The following MBTPS1 variants were observed in gnomAD, a reference collection of about 807,000 sequenced individuals.
MBTPS1 encodes the protein membrane bound transcription factor peptidase, site 1.
In MBTPS1, 94 loss-of-function variants were observed where a neutral mutation model predicts 127.8. The ratio of observed to expected loss-of-function variants is 0.74; its 90% CI spans 0.62 to 0.87. The LOEUF (loss-of-function observed/expected upper bound fraction) is 0.87. Among genes scored for constraint, MBTPS1 ranks in the 40% least tolerant of loss-of-function variants. The probability of loss-of-function intolerance (pLI) is 0.00; values close to 1 mark genes in which losing one functional copy is unlikely to be tolerated. For synonymous variants in MBTPS1, 632 were observed against 509.4 expected (o/e 1.24, Z -3.24); for missense variants, 1,636 against 1,353.2 (o/e 1.21, Z -3.28).
In MBTPS1 at chr16:84,066,577, G is replaced by C. The variant is rs564395196; in HGVS notation, c.2265C>G (p.Ile755Met). Residue 755 changes from isoleucine (I) to methionine (M), a missense_variant, in exon 17 of 23, where the codon ATC (isoleucine) becomes ATG (methionine). Ile to Met is a conservative substitution (Grantham distance 10, BLOSUM62 1). Coordinates refer to ENST00000343411, the MANE Select transcript of MBTPS1 (RefSeq NM_003791.4). Reference protein sequence around the residue: ...WWMPDTGGANIPALNELLSVW... With the variant: ...WWMPDTGGANMPALNELLSVW... ...CAGACAGCAGCTCATTCAGAGCTGGGATGTTAGCTCCTCCGGTATCCGGCA... is the reference window on the plus strand; with the variant it reads ...CAGACAGCAGCTCATTCAGAGCTGGCATGTTAGCTCCTCCGGTATCCGGCA... 10 of 1,613,946 alleles carry C rather than the reference G, an allele frequency of 6.2e-6. No homozygotes were observed. Among genetic ancestry groups the C allele is most frequent in the Middle Eastern group, 1.6e-4 (1 of 6,084 alleles).
intron 12 of MBTPS1, among the ~76,000 whole-genome samples, chr16:84,072,803 A>T (rs1050255098): frequency 1.3e-4 from 20 of 152,196 alleles, no homozygotes; most frequent in African/African-American, 4.6e-4. Flanking sequence ...AAAAAAGGCA[A>T]ATCACCCAGT....
chr16:84,110,174 C>G (rs969365451), intron 1 of MBTPS1, among the ~76,000 whole-genome samples: 1 of 152,208 alleles, frequency 6.6e-6, no homozygotes, highest in Non-Finnish European at 1.5e-5. Flanking sequence ...AACCAGACCA[C>G]ACACGTCAGA....
intron 3 of MBTPS1, among the ~76,000 whole-genome samples, chr16:84,096,647 A>C (rs138455393): frequency 8.2e-4 from 125 of 152,348 alleles, no homozygotes; most frequent in African/African-American, 2.9e-3. Context: ...TTTCTAAAGC[A>C]AATCACTGTC....
At chr16:84,093,905 G>A in intron 4 of MBTPS1, 84 bp from the exon 5 acceptor site, 2 of 976,074 alleles carry the variant, frequency 2.0e-6, no homozygotes, top group Admixed American at 2.0e-5. Context: ...TTCCTTCCTG[G>A]GACCCACAGA....
chr16:84,099,770 C>T (rs1175219976), intron 2 of MBTPS1, among the ~76,000 whole-genome samples: 1 of 144,644 alleles, frequency 6.9e-6, no homozygotes, highest in Non-Finnish European at 1.5e-5. Flanking sequence ...AGCAAGCCTC[C>T]GTCTCAAAAA....
chr16:84,054,741 G>T (rs530850292), intron 22 of MBTPS1, 96 bp from the exon 23 acceptor site: 1 of 967,210 alleles, frequency 1.0e-6, no homozygotes, highest in Non-Finnish European at 1.5e-6. Context: ...AACTAAATGC[G>T]AGCTAATTTC....
At chr16:84,064,404 G>A (rs1298878191) in intron 18 of MBTPS1, among the ~76,000 whole-genome samples, 1 of 152,042 alleles carries the variant, frequency 6.6e-6, no homozygotes, top group African/African-American at 2.4e-5. Flanking sequence ...TGCCATCAGG[G>A]TCTTTTCTGA....
chr16:84,067,869 C>T (rs1408551209), intron 15 of MBTPS1, 46 bp from the exon 16 acceptor site: 1 of 1,570,250 alleles, frequency 6.4e-7, no homozygotes, highest in Admixed American at 1.7e-5. Context: ...TTCTGAATGA[C>T]AGGACACCAC....
chr16:84,054,626 G>A lies in MBTPS1; in HGVS notation c.2982C>T (p.Tyr994=). The change falls in exon 23 of 23, where the codon TAC becomes TAT. Residue 994 remains tyrosine, a synonymous_variant. Transcript: ENST00000343411. ...GAATGGTCTGGCCCACCTCCTGGTT[G>A]TAGCGGCCAGGCATGATCCCTGTAA... ...DIPGGIMPGR[Y]NQEVGQTIPV... 6.2e-7 allele frequency: 1 copy of A among 1,608,910 alleles called. No individual in the cohort carries two copies. Among genetic ancestry groups the A allele is most frequent in the Non-Finnish European group, 8.5e-7 (1 of 1,177,144 alleles).
chr16:84,067,081 GTAAATATACAATATT>G (rs1474422498), intron 16 of MBTPS1, among the ~76,000 whole-genome samples: 3 of 151,944 alleles, frequency 2.0e-5, no homozygotes, highest in African/African-American at 7.3e-5. Context: ...ATTAATTATT[GTAAATATACAATATT>G]TAAATATACA....
intron 11 of MBTPS1, among the ~76,000 whole-genome samples, chr16:84,079,514 C>A (rs1187862621): frequency 6.6e-6 from 1 of 152,096 alleles, no homozygotes; most frequent in Non-Finnish European, 1.5e-5. Context: ...TTCTGTAGGG[C>A]CAAAGATAAT....
At chr16:84,058,354 C>T (rs2085550956) in intron 21 of MBTPS1, among the ~76,000 whole-genome samples, 1 of 152,204 alleles carries the variant, frequency 6.6e-6, no homozygotes, top group Non-Finnish European at 1.5e-5. Flanking sequence ...GGCCCCATAC[C>T]ATCACTGGAG....
intron 4 of MBTPS1, among the ~76,000 whole-genome samples, chr16:84,094,904 T>C (rs904705449): frequency 3.3e-5 from 5 of 152,168 alleles, no homozygotes; most frequent in Admixed American, 6.5e-5. Context: ...GTCAAGGATA[T>C]ACGAAAGACA....
In MBTPS1 at chr16:84,101,972, A is replaced by T. The variant is rs903596995; in HGVS notation, c.-189T>A. On this transcript the variant is annotated 5_prime_UTR_variant, in exon 2 of 23. The change abolishes an upstream ATG in the 5' untranslated region. Transcript: ENST00000343411. ...TGGTTCAGCCTGAAGAGAGGCTTTC[A>T]TTTCTTTCTCCGCTTCTTCTCCATC... The T allele has an allele frequency of 5.4e-6, 3 of 556,564 alleles. No homozygotes were observed. The Admixed American group carries it at 9.9e-5, about 18-fold the overall frequency. The allele number at this position is 556,564 out of a possible 1,614,324, so 34.5% of individuals were successfully genotyped here.
intron 3 of MBTPS1, 42 bp from the exon 4 acceptor site, chr16:84,095,847 C>G: frequency 2.0e-6 from 3 of 1,529,100 alleles, no homozygotes; most frequent in Non-Finnish European, 2.7e-6. Flanking sequence ...AAGAGCAAAA[C>G]GAACTACACG....
At chr16:84,074,834 T>C in intron 11 of MBTPS1, 93 bp from the exon 12 acceptor site, 1 of 1,208,530 alleles carries the variant, frequency 8.3e-7, no homozygotes, top group Non-Finnish European at 1.2e-6. Flanking sequence ...AAAGCAGACC[T>C]AGCTTCAGAA....
At chr16:84,112,974 CAA>C (rs71382895) in intron 1 of MBTPS1, among the ~76,000 whole-genome samples, 14 of 56,866 alleles carry the variant, frequency 2.5e-4, no homozygotes, top group African/African-American at 3.9e-4. Context: ...GATGCCATCT[CAA>C]AAAAAAAAAA....
At chr16:84,088,142 C>T (rs2086057085) in intron 8 of MBTPS1, among the ~76,000 whole-genome samples, 1 of 152,014 alleles carries the variant, frequency 6.6e-6, no homozygotes, top group African/African-American at 2.4e-5. Context: ...TAAAGATGAA[C>T]CATTTGAAAA....
intron 1 of MBTPS1, among the ~76,000 whole-genome samples, chr16:84,108,259 G>A (rs1345464686): frequency 6.6e-6 from 1 of 151,606 alleles, no homozygotes; most frequent in Non-Finnish European, 1.5e-5. Flanking sequence ...ACAAACCTAA[G>A]GAAAAGCACT....
Sources: gnomAD v4.1 joint callset for allele counts (sites outside exome capture counted in the v4.1 genomes callset) on GRCh38, gnomAD v4.1.1 for gene constraint, MANE v1.5 for transcripts, NCBI Gene and HGNC (gene_info 2026-07-23, HGNC 2026-07-21) for gene names.